Variants in PGCKA1 observed in about 807,000 individuals in gnomAD.
The protein encoded by PGCKA1 is PDCD10 and GCKIII kinases associated 1, also known as PDCD10 and GCKIII kinases-associated protein 1.
chr4:37,459,142 G>A, the PGCKA1 span, among the ~76,000 whole-genome samples: 66 of 151,552 alleles, frequency 4.4e-4, no homozygotes, highest in African/African-American at 1.6e-3. Flanking sequence ...AGAGTTTTGC[G>A]TGAAAAAAAA....
At chr4:37,588,406 G>C in the PGCKA1 span, 1 of 159,022 alleles carries the variant, frequency 6.3e-6, no homozygotes, top group African/African-American at 2.4e-5. Flanking sequence ...CTCTTGAGGA[G>C]CAAATGCCCT....
At chr4:37,515,989 T>TA in the PGCKA1 span, among the ~76,000 whole-genome samples, 1 of 152,136 alleles carries the variant, frequency 6.6e-6, no homozygotes, top group African/African-American at 2.4e-5. Context: ...TACTTTTTTT[T>TA]ATATATAAAA....
the PGCKA1 span, among the ~76,000 whole-genome samples, chr4:37,524,489 G>C: frequency 6.6e-6 from 1 of 152,220 alleles, no homozygotes; most frequent in African/African-American, 2.4e-5. Context: ...GCTTCCCCCA[G>C]GGGGAGCAAC....
At chr4:37,534,497 A>G in the PGCKA1 span, among the ~76,000 whole-genome samples, 41,814 of 152,182 alleles carry the variant, frequency 0.27, 6,039 homozygotes, top group African/African-American at 0.32. Flanking sequence ...ACTGGGTTAA[A>G]CATGATAGCT....
the PGCKA1 span, among the ~76,000 whole-genome samples, chr4:37,508,681 A>ATTTTTTTT: frequency 2.2e-5 from 1 of 45,480 alleles, no homozygotes; most frequent in African/African-American, 1.1e-4. Flanking sequence ...TTTTTGCTGA[A>ATTTTTTTT]TCTTTTTTTT....
chr4:37,567,666 TTCTC>T, the PGCKA1 span, among the ~76,000 whole-genome samples: 1 of 151,680 alleles, frequency 6.6e-6, no homozygotes, highest in East Asian at 1.9e-4. Flanking sequence ...CTCTCTCTCT[TTCTC>T]TCTCACACAC....
At chr4:37,542,006 C>T in the PGCKA1 span, among the ~76,000 whole-genome samples, 1 of 152,160 alleles carries the variant, frequency 6.6e-6, no homozygotes, top group Non-Finnish European at 1.5e-5. Context: ...CCTTAATAAC[C>T]TCCACCTGGC....
chr4:37,547,622 A>G, the PGCKA1 span, among the ~76,000 whole-genome samples: 8 of 152,180 alleles, frequency 5.3e-5, no homozygotes, highest in Non-Finnish European at 1.2e-4. Flanking sequence ...CAAAGGTATG[A>G]CCCAAGGTAA....
At chr4:37,571,751 A>T in the PGCKA1 span, among the ~76,000 whole-genome samples, 1 of 151,746 alleles carries the variant, frequency 6.6e-6, no homozygotes, top group Non-Finnish European at 1.5e-5. Flanking sequence ...GTTAGCCAGG[A>T]TGGTCTCGAT....
At chr4:37,579,991 T>C in the PGCKA1 span, among the ~76,000 whole-genome samples, 1 of 152,210 alleles carries the variant, frequency 6.6e-6, no homozygotes, top group African/African-American at 2.4e-5. Flanking sequence ...GTCCTCTGAA[T>C]ATATTTTTAA....
At chr4:37,463,875 C>G in the PGCKA1 span, among the ~76,000 whole-genome samples, 13 of 151,138 alleles carry the variant, frequency 8.6e-5, no homozygotes, top group African/African-American at 3.2e-4. Context: ...CCTTGACAGG[C>G]AATTGCCCTT....
chr4:37,496,104 C>T, the PGCKA1 span, among the ~76,000 whole-genome samples: 10 of 152,158 alleles, frequency 6.6e-5, no homozygotes, highest in Non-Finnish European at 1.5e-4. Flanking sequence ...TTTAGCTGTG[C>T]AGAAGCTCTT....
At chr4:37,501,400 T>C in the PGCKA1 span, among the ~76,000 whole-genome samples, 1 of 152,160 alleles carries the variant, frequency 6.6e-6, no homozygotes, top group East Asian at 1.9e-4. Context: ...GCGAGGGATC[T>C]AGGTTGTGTG....
At chr4:37,496,490 G>C in the PGCKA1 span, among the ~76,000 whole-genome samples, 15,978 of 152,236 alleles carry the variant, frequency 0.1, 1,010 homozygotes, top group Admixed American at 0.18. Flanking sequence ...GTACCATGCT[G>C]TTTTGGTTAT....
chr4:37,462,137 A>G, the PGCKA1 span, among the ~76,000 whole-genome samples: 3 of 150,682 alleles, frequency 2.0e-5, no homozygotes, highest in Admixed American at 1.3e-4. Context: ...CAAACATTTA[A>G]ATTCCAAATC....
the PGCKA1 span, among the ~76,000 whole-genome samples, chr4:37,468,648 G>T: frequency 6.6e-6 from 1 of 152,134 alleles, no homozygotes; most frequent in Non-Finnish European, 1.5e-5. Context: ...TTTGTTTCCA[G>T]TGTTTTATTA....
chr4:37,592,628 T>C, the PGCKA1 span, among the ~76,000 whole-genome samples: 1 of 152,340 alleles, frequency 6.6e-6, no homozygotes, highest in East Asian at 1.9e-4. Flanking sequence ...TGGAAGATGC[T>C]TTAGTTTGGT....
the PGCKA1 span, chr4:37,591,049 A>G: frequency 6.0e-6 from 9 of 1,506,244 alleles, no homozygotes; most frequent in Non-Finnish European, 8.1e-6. Flanking sequence ...CTGAGCATGC[A>G]GATGCATTTG....
At chr4:37,561,791 T>A in the PGCKA1 span, among the ~76,000 whole-genome samples, 1 of 152,218 alleles carries the variant, frequency 6.6e-6, no homozygotes, top group Non-Finnish European at 1.5e-5. Flanking sequence ...AATATTTTCA[T>A]CAACTGATCA....
Sources: allele counts gnomAD v4.1 joint callset (sites outside exome capture counted in the v4.1 genomes callset), GRCh38; gene constraint gnomAD v4.1.1; transcripts MANE v1.5; gene names NCBI Gene and HGNC (gene_info 2026-07-23, HGNC 2026-07-21).